The following CNBD2 variants were observed in gnomAD, a reference collection of about 807,000 sequenced individuals.
CNBD2 encodes cyclic nucleotide binding domain containing 2.
A neutral mutation model predicts 63.7 loss-of-function variants in CNBD2; 64 were observed. The observed-to-expected ratio is 1.00, with a 90% CI of 0.82 to 1.24. CNBD2 has a LOEUF of 1.24. Ranked by LOEUF, CNBD2 falls within the 50% of genes most tolerant of loss-of-function variation. CNBD2 has a pLI of 0.00. For synonymous variants in CNBD2, 229 were observed against 255.4 expected, an observed-to-expected ratio of 0.90 and a Z score of 0.99; for missense variants, 691 against 713.5, an observed-to-expected ratio of 0.97 and a Z score of 0.36.
chr20:35,980,409 A>G (rs1460799553), intron 3 of CNBD2, 50 bp from the exon 4 acceptor site: 1 of 1,583,262 alleles, frequency 6.3e-7, no homozygotes, highest in Non-Finnish European at 8.7e-7. Flanking sequence ...CCGCTGGCCC[A>G]TGGGTGAAAT....
intron 11 of CNBD2, among the ~76,000 whole-genome samples, chr20:36,028,365 C>T (rs1056611538): frequency 3.3e-5 from 5 of 152,082 alleles, no homozygotes; most frequent in African/African-American, 1.2e-4. Flanking sequence ...GAACTCATGC[C>T]TTTCTAGACT....
chr20:36,024,069 C>T (rs1041732550), intron 11 of CNBD2, among the ~76,000 whole-genome samples: 1 of 152,220 alleles, frequency 6.6e-6, no homozygotes, highest in Non-Finnish European at 1.5e-5. Context: ...GGTGCGATGG[C>T]TCACGCCTAT....
Position 35,968,822 on chromosome 20 carries a change from G to C in CNBD2, c.51+9G>C, listed in dbSNP as rs2056372100. 6.2e-7 allele frequency: 1 copy of C among 1,603,318 alleles called. No individual in the cohort carries two copies. Among genetic ancestry groups the C allele is most frequent in the Admixed American group, 1.7e-5 (1 of 58,660 alleles). On this transcript the variant is annotated intron_variant, in intron 1 of 11. Transcript: ENST00000373973. ...TCCTGAAGAAGGAACTGGTGAGGAGGGGCAAGGGCCCTGGGAGGGAAGAGC... is the reference window on the plus strand; with the variant it reads ...TCCTGAAGAAGGAACTGGTGAGGAGCGGCAAGGGCCCTGGGAGGGAAGAGC...
In CNBD2 at chr20:36,030,299, G is replaced by A. The variant is rs967152771; in HGVS notation, c.1440-58G>A. ...CTTAGGGAGGGGAGAGTGGCAGGAG[G>A]CAAGGCTGGAGGGGCGGGACTGGCA... On this transcript the variant is annotated intron_variant, in intron 11 of 11. Transcript: ENST00000373973. 5.8e-6 allele frequency: 9 copies of A among 1,560,348 alleles called. No homozygotes were observed. The African/African-American group carries it at 1.1e-4, about 19-fold the overall frequency.
At position 35,984,636 on chromosome 20, in the gene CNBD2, G is replaced by A. The variant is rs760536694; in HGVS notation, c.574G>A (p.Val192Ile). ...CCTGTCCACCCAACAGGAAATGGAC[G>A]TTCTGCATGCTTCAGTGAGGAGGTC... ...HKGSCFGEMD[V>I]LHASVRRSTI... The change falls in exon 6 of 12, where the codon GTT becomes ATT. Residue 192 changes from valine to isoleucine, a missense_variant. Transcript: ENST00000373973. 32 of 1,614,054 alleles carry A rather than the reference G, an allele frequency of 2.0e-5. 1 individual carries two copies. The South Asian group carries it at 2.3e-4, about 12-fold the overall frequency.
At chr20:35,997,246 C>G (rs148195246) in intron 8 of CNBD2, among the ~76,000 whole-genome samples, 40 of 152,310 alleles carry the variant, frequency 2.6e-4, no homozygotes, top group Non-Finnish European at 4.9e-4. Context: ...TGCTTCCCCC[C>G]ACTTCCCTTG....
downstream of CNBD2, among the ~76,000 whole-genome samples, chr20:35,956,425 G>A (rs2056257464): frequency 6.6e-6 from 1 of 152,216 alleles, no homozygotes; most frequent in Admixed American, 6.5e-5. Context: ...AGCTGACACT[G>A]AGTAGAGACG....
rs756826991 is a variant in CNBD2, at chr20:36,023,779, C to T, written c.1439+8C>T. ...CAATATTGCATTCCCCAGGTCAGTACTGGAAATGTGCGTAAGTCCCATCAG... is the reference window on the plus strand; with the variant it reads ...CAATATTGCATTCCCCAGGTCAGTATTGGAAATGTGCGTAAGTCCCATCAG... On this transcript the variant is annotated splice_region_variant and intron_variant, in intron 11 of 11. Coordinates refer to ENST00000373973, the MANE Select transcript of CNBD2 (RefSeq NM_001365709.1). 2 of 1,593,208 alleles carry T rather than the reference C, an allele frequency of 1.3e-6. No individual in the cohort carries two copies. The highest frequency in any genetic ancestry group is 1.7e-6 in the Non-Finnish European group (2 of 1,170,780).
At chr20:36,004,188 G>A (rs2056953309) in intron 8 of CNBD2, among the ~76,000 whole-genome samples, 1 of 152,180 alleles carries the variant, frequency 6.6e-6, no homozygotes, top group Admixed American at 6.5e-5. Flanking sequence ...TATTACACAA[G>A]TGTGTGACTA....
chr20:35,972,319 G>A (rs1470125524), intron 1 of CNBD2, among the ~76,000 whole-genome samples: 1 of 152,190 alleles, frequency 6.6e-6, no homozygotes, highest in African/African-American at 2.4e-5. Context: ...TTATTTTGTG[G>A]ATGGAATTGA....
intron 1 of CNBD2, among the ~76,000 whole-genome samples, chr20:35,971,582 A>AT (rs1322131389): frequency 6.6e-6 from 1 of 152,016 alleles, no homozygotes; most frequent in African/African-American, 2.4e-5. Flanking sequence ...TGCCAGGCTA[A>AT]TTTTTGTATT....
Position 35,975,987 on chromosome 20 carries a change from C to T in CNBD2, c.228C>T (p.Asp76=). 1 of 1,613,014 alleles carries T rather than the reference C, an allele frequency of 6.2e-7. No individual in the cohort carries two copies. ...GCCGAGTCACATTTGATACCATGGA[C>T]TTCATTGCAGAGGAGGTATGCATAG... ...MQSRVTFDTM[D]FIAEEGHFPP... is the part of the protein sequence containing the mutation. Residue 76 remains aspartate, a synonymous_variant, in exon 3 of 12, where the codon GAC becomes GAT. Coordinates refer to ENST00000373973, the MANE Select transcript of CNBD2 (RefSeq NM_001365709.1).
intron 11 of CNBD2, among the ~76,000 whole-genome samples, chr20:36,028,225 A>G (rs1239269987): frequency 6.6e-6 from 1 of 152,072 alleles, no homozygotes; most frequent in Admixed American, 6.6e-5. Flanking sequence ...TTGAATGGAA[A>G]TTCATAAAAG....
At chr20:35,954,700 TTG>T, upstream of CNBD2, 1 of 1,090,696 alleles carries the variant, frequency 9.2e-7, no homozygotes, top group East Asian at 5.7e-5. Context: ...GCCTGAATGT[TTG>T]GAGATAGACT....
chr20:35,972,770 A>G lies in CNBD2; in HGVS notation c.189+4A>G. 6.2e-7 allele frequency: 1 copy of G among 1,614,134 alleles called. No individual in the cohort carries two copies. The highest frequency in any genetic ancestry group is 1.1e-5 in the South Asian group (1 of 91,074). On this transcript the variant is annotated splice_donor_region_variant and intron_variant, in intron 2 of 11. Coordinates refer to ENST00000373973, the MANE Select transcript of CNBD2 (RefSeq NM_001365709.1). Reference sequence around the variant, plus strand: ...CCCTATCTTCTCCTTCTGGGATGTAAGCAGTTGGGCTCAGCAGGATTATGA... The same window carrying G: ...CCCTATCTTCTCCTTCTGGGATGTAGGCAGTTGGGCTCAGCAGGATTATGA...
upstream of CNBD2, chr20:35,954,530 A>G: frequency 2.0e-6 from 3 of 1,519,446 alleles, no homozygotes; most frequent in Non-Finnish European, 2.7e-6. Context: ...AGCACCCGGA[A>G]GCCGCTTGCG....
At chr20:36,010,576 G>A (rs2057045085) in intron 9 of CNBD2, among the ~76,000 whole-genome samples, 1 of 152,074 alleles carries the variant, frequency 6.6e-6, no homozygotes, top group Non-Finnish European at 1.5e-5. Context: ...TTTGAGACCA[G>A]CCTGGGCAAC....
chr20:35,964,125 G>A (rs552382368), upstream of CNBD2, among the ~76,000 whole-genome samples: 17 of 152,090 alleles, frequency 1.1e-4, no homozygotes, highest in African/African-American at 3.1e-4. Flanking sequence ...AGCATCTCAC[G>A]TTTTAGCTAT....
chr20:35,964,736 C>T (rs2056332575), upstream of CNBD2, among the ~76,000 whole-genome samples: 1 of 151,050 alleles, frequency 6.6e-6, no homozygotes, highest in Non-Finnish European at 1.5e-5. Flanking sequence ...CGGAGTCTCA[C>T]TCTGTTGCCA....
Sources: gnomAD v4.1 joint callset for allele counts (sites outside exome capture counted in the v4.1 genomes callset) on GRCh38, gnomAD v4.1.1 for gene constraint, MANE v1.5 for transcripts, NCBI Gene and HGNC (gene_info 2026-07-23, HGNC 2026-07-21) for gene names.